Variants in JAZF1 observed in about 807,000 individuals in gnomAD.
JAZF1 encodes JAZF zinc finger 1.
JAZF1 carries 8 observed loss-of-function variants against 26.4 expected under a neutral mutation model. The observed-to-expected ratio is 0.30, with a 90% CI of 0.18 to 0.55. JAZF1 has a LOEUF of 0.55. Ranked by LOEUF, JAZF1 falls within the 20% of genes least tolerant of loss-of-function variation. The probability of loss-of-function intolerance (pLI) is 0.94; values close to 1 mark genes in which losing one functional copy is unlikely to be tolerated. For synonymous variants in JAZF1, 126 were observed against 122.3 expected (o/e 1.03, Z -0.20); for missense variants, 199 against 322.0 (o/e 0.62, Z 2.92).
At chr7:27,924,781 TG>T (rs1784584280) in intron 2 of JAZF1, among the ~76,000 whole-genome samples, 2 of 152,326 alleles carry the variant, frequency 1.3e-5, no homozygotes, top group African/African-American at 4.8e-5. Flanking sequence ...AGTAAGGTAA[TG>T]TGTGCATTCT....
At chr7:28,101,126 C>A (rs896998987) in intron 1 of JAZF1, among the ~76,000 whole-genome samples, 3 of 152,170 alleles carry the variant, frequency 2.0e-5, no homozygotes, top group Admixed American at 6.5e-5. Flanking sequence ...CTTCAGCATT[C>A]CAGATAACAA....
At chr7:28,109,927 T>C (rs1784615284) in intron 1 of JAZF1, among the ~76,000 whole-genome samples, 1 of 152,142 alleles carries the variant, frequency 6.6e-6, no homozygotes, top group South Asian at 2.1e-4. Flanking sequence ...AAAAAAGTAG[T>C]AGTATCCAAC....
At chr7:27,940,276 C>A (rs1480948342) in intron 2 of JAZF1, among the ~76,000 whole-genome samples, 1 of 124,266 alleles carries the variant, frequency 8.0e-6, no homozygotes, top group East Asian at 2.5e-4. Flanking sequence ...TTTCACAGGG[C>A]CGGGTCACGG....
intron 2 of JAZF1, among the ~76,000 whole-genome samples, chr7:27,945,479 A>G (rs62451149): frequency 0.038 from 5,790 of 152,196 alleles, 144 homozygotes; most frequent in South Asian, 0.089. Flanking sequence ...AGATCTTTTC[A>G]GTTCTTCCTC....
At chr7:27,859,447 T>C (rs1783335902) in intron 3 of JAZF1, among the ~76,000 whole-genome samples, 1 of 152,162 alleles carries the variant, frequency 6.6e-6, no homozygotes, top group African/African-American at 2.4e-5. Flanking sequence ...CAGCCCTGTT[T>C]ACAACAGCAA....
At chr7:28,100,042 C>T (rs1784448777) in intron 1 of JAZF1, among the ~76,000 whole-genome samples, 1 of 152,160 alleles carries the variant, frequency 6.6e-6, no homozygotes, top group Non-Finnish European at 1.5e-5. Context: ...TTGAAAGATG[C>T]TTGCTTTCTT....
intron 3 of JAZF1, among the ~76,000 whole-genome samples, chr7:27,888,682 A>T (rs1783913362): frequency 6.6e-6 from 1 of 152,224 alleles, no homozygotes; most frequent in East Asian, 1.9e-4. Context: ...CCATAAAGAA[A>T]TGTTTCTTAA....
intron 1 of JAZF1, among the ~76,000 whole-genome samples, chr7:28,179,060 C>G (rs1190041968): frequency 2.6e-5 from 4 of 152,242 alleles, no homozygotes; most frequent in African/African-American, 9.6e-5. Flanking sequence ...CATAAATACA[C>G]AGCAGTCGTG....
At chr7:28,033,085 T>C (rs1235286037) in intron 1 of JAZF1, among the ~76,000 whole-genome samples, 2 of 152,198 alleles carry the variant, frequency 1.3e-5, no homozygotes, top group South Asian at 2.1e-4. Context: ...GTATGGTCTA[T>C]GTTACTTAAG....
intron 1 of JAZF1, among the ~76,000 whole-genome samples, chr7:28,039,743 C>A (rs1428656593): frequency 6.6e-6 from 1 of 152,128 alleles, no homozygotes; most frequent in Non-Finnish European, 1.5e-5. Context: ...GTGTTTCTTA[C>A]TTTAATTTAA....
intron 3 of JAZF1, among the ~76,000 whole-genome samples, chr7:27,885,814 A>T (rs1783851045): frequency 6.6e-6 from 1 of 152,202 alleles, no homozygotes; most frequent in South Asian, 2.1e-4. Context: ...TGTAATGCAC[A>T]TTCCTGGAAT....
chr7:27,999,437 T>A (rs1452037083), intron 1 of JAZF1, among the ~76,000 whole-genome samples: 1 of 152,110 alleles, frequency 6.6e-6, no homozygotes, highest in Non-Finnish European at 1.5e-5. Context: ...TGAGGCTTAG[T>A]GACAAAAGAA....
chr7:27,850,609 C>T (rs766558092), intron 3 of JAZF1, among the ~76,000 whole-genome samples: 7 of 152,204 alleles, frequency 4.6e-5, no homozygotes, highest in Non-Finnish European at 8.8e-5. Flanking sequence ...ATGAGTGAAT[C>T]GAGTTCAGAC....
At chr7:27,868,692 T>C (rs1783527280) in intron 3 of JAZF1, among the ~76,000 whole-genome samples, 1 of 152,202 alleles carries the variant, frequency 6.6e-6, no homozygotes. Flanking sequence ...GGTTGCCTCC[T>C]GGAAAGAGAG....
In JAZF1 at chr7:27,832,635, A is replaced by T. The variant is rs556734411; in HGVS notation, c.*165T>A. ...ACATGTGCAAATGTACAAAATCATT[A>T]ACTCTACAAAGATACATCATTCCAA... On this transcript the variant is annotated 3_prime_UTR_variant, in exon 5 of 5. Coordinates refer to ENST00000283928, the MANE Select transcript of JAZF1 (RefSeq NM_175061.4). 1.4e-5 allele frequency: 7 copies of T among 492,078 alleles called. No individual in the cohort carries two copies. In the East Asian group the frequency reaches 2.2e-4, roughly 16 times the overall value. The allele number at this position is 492,078 out of a possible 1,614,324, so 30.5% of individuals were successfully genotyped here. A position where few individuals can be genotyped will look rare whatever the true frequency, so the allele number is the denominator to read the frequency against.
In JAZF1 at chr7:28,006,091, T is replaced by C. The variant is rs943757301; in HGVS notation, c.116-14110A>G. 3.3e-5 allele frequency among the ~76,000 whole-genome samples: 5 copies of C among 152,020 alleles called. No homozygotes were observed. The East Asian group carries it at 9.6e-4, about 29-fold the overall frequency. On this transcript the variant is annotated intron_variant, in intron 1 of 4. Transcript: ENST00000283928. Reference sequence around the variant, plus strand: ...AGCACAGTGGCTGGTACATGATAAATACTTAATAAATCTTACCCACTAGGG... The same window carrying C: ...AGCACAGTGGCTGGTACATGATAAACACTTAATAAATCTTACCCACTAGGG...
intron 1 of JAZF1, among the ~76,000 whole-genome samples, chr7:28,019,779 T>C (rs1782971642): frequency 6.6e-6 from 1 of 152,164 alleles, no homozygotes; most frequent in African/African-American, 2.4e-5. Context: ...CCTTGCTTTA[T>C]GATAGAGACA....
chr7:28,110,589 A>G (rs55633621), intron 1 of JAZF1, among the ~76,000 whole-genome samples: 4,488 of 68,062 alleles, frequency 0.066, 571 homozygotes, highest in Middle Eastern at 0.13. Flanking sequence ...GAAAAGGAAA[A>G]GGAAAAGGAA....
intron 1 of JAZF1, among the ~76,000 whole-genome samples, chr7:28,078,250 G>A (rs915131515): frequency 6.6e-6 from 1 of 152,132 alleles, no homozygotes; most frequent in African/African-American, 2.4e-5. Context: ...AGCACTGCAT[G>A]GCATTTATCA....
Sources: gnomAD v4.1 joint callset for allele counts (sites outside exome capture counted in the v4.1 genomes callset) on GRCh38, gnomAD v4.1.1 for gene constraint, MANE v1.5 for transcripts, NCBI Gene and HGNC (gene_info 2026-07-23, HGNC 2026-07-21) for gene names.